BICRA: variants seen among roughly 807,000 people sequenced by gnomAD.
BICRA encodes BRD4-interacting chromatin-remodeling complex-associated protein.
A neutral mutation model predicts 96.9 loss-of-function variants in BICRA; 31 were observed. The observed-to-expected ratio is 0.32, with a 90% CI of 0.24 to 0.43. The LOEUF is 0.43. Ranked by LOEUF, BICRA falls within the 20% of genes least tolerant of loss-of-function variation. The pLI is 1.00. For missense variants in BICRA, 2,283 were observed against 2,190.3 expected (o/e 1.04, Z -0.84); for synonymous variants, 1,350 against 1,071.8 (o/e 1.26, Z -5.07).
intron 1 of BICRA, among the ~76,000 whole-genome samples, chr19:47,645,645 A>G (rs763635320): frequency 3.3e-5 from 5 of 152,270 alleles, no homozygotes; most frequent in African/African-American, 4.8e-5. Flanking sequence ...AAAAACGCAG[A>G]TAACACAAAA....
intron 1 of BICRA, among the ~76,000 whole-genome samples, chr19:47,624,820 A>G (rs1208165084): frequency 6.6e-6 from 1 of 151,268 alleles, no homozygotes; most frequent in Non-Finnish European, 1.5e-5. Context: ...CAGCTACCCG[A>G]GTAGTTGGGA....
chr19:47,617,094 CTG>C, intron 1 of BICRA, among the ~76,000 whole-genome samples: 1 of 3,422 alleles, frequency 2.9e-4, no homozygotes. Flanking sequence ...TCCCAAAGTG[CTG>C]GGATTACAAA....
rs1973348745 is a variant in BICRA at position 47,696,700 on chromosome 19, T to G, written c.3248+188T>G. Among the ~76,000 whole-genome samples the G allele has an allele frequency of 4.6e-5, 7 of 151,300 alleles. No homozygotes were observed. In the South Asian group the frequency reaches 1.5e-3, roughly 32 times the overall value. On this transcript the variant is annotated intron_variant, in intron 11 of 14. Transcript: ENST00000594866. ...TCTGGAAAATGGGGTGACCAGAGAGTGGTGGAGGGAGGGTGGGCTGTGGCT... is the reference window on the plus strand; with the variant it reads ...TCTGGAAAATGGGGTGACCAGAGAGGGGTGGAGGGAGGGTGGGCTGTGGCT...
At chr19:47,691,056 A>G (rs1021009659) in intron 7 of BICRA, among the ~76,000 whole-genome samples, 3 of 152,212 alleles carry the variant, frequency 2.0e-5, no homozygotes, top group African/African-American at 7.2e-5. Flanking sequence ...AACATTAGGA[A>G]TCTGAAAGCA....
intron 1 of BICRA, among the ~76,000 whole-genome samples, chr19:47,617,454 C>T (rs537439394): frequency 6.6e-6 from 1 of 152,188 alleles, no homozygotes; most frequent in South Asian, 2.1e-4. Flanking sequence ...ACCTCCGCCT[C>T]CCAGGCTCCA....
At position 47,701,858 on chromosome 19, in the gene BICRA, C is replaced by G. The variant is rs767300275; in HGVS notation, c.4126C>G (p.Leu1376Val). 30 of 1,507,338 alleles carry G rather than the reference C, an allele frequency of 2.0e-5. No individual in the cohort carries two copies. The highest frequency in any genetic ancestry group is 4.3e-5 in the African/African-American group (3 of 70,302). 93.4% of individuals were successfully genotyped at this position (1,507,338 alleles called of 1,614,324 possible). The stretch of plus-strand genomic sequence containing the variant: ...GCCTGCCGCCCCCGAGCGCAAGCCC[C>G]TGGGCACCGCCCCGCACTGCCCGCG... ...PPPAAPERKP[L>V]GTAPHCPRLP... is the part of the protein sequence containing the mutation. Residue 1376 changes from leucine (L) to valine (V), a missense_variant, in exon 15 of 15, where the codon CTG (leucine) becomes GTG (valine). Coordinates refer to ENST00000594866, the MANE Select transcript of BICRA (RefSeq NM_001394372.1). This position sits in a 1 kb window ranked among gnomAD's most constrained non-coding sequence, Gnocchi z 5.4.
At chr19:47,649,302 T>C (rs1026656386) in intron 1 of BICRA, among the ~76,000 whole-genome samples, 2 of 152,176 alleles carry the variant, frequency 1.3e-5, no homozygotes, top group African/African-American at 4.8e-5. Context: ...TTATTAATAT[T>C]ATTGTTAATC....
At position 47,680,786 on chromosome 19, in the gene BICRA, C is replaced by T. The variant is rs373150892; in HGVS notation, c.1616C>T (p.Ala539Val). Residue 539 changes from alanine (A) to valine (V), a missense_variant, in exon 6 of 15, where the codon GCG becomes GTG. By Grantham distance (64) the Ala-to-Val change is moderately conservative. Transcript: ENST00000594866. ...VLAPHSGAHSAHILSAAPIQV... is the reference protein window; with the variant it reads ...VLAPHSGAHSVHILSAAPIQV... Reference sequence around the variant, plus strand: ...GCCCCCCACTCCGGGGCCCACAGCGCGCACATCCTCTCCGCCGCTCCCATC... The same window carrying T: ...GCCCCCCACTCCGGGGCCCACAGCGTGCACATCCTCTCCGCCGCTCCCATC... 2.5e-6 allele frequency: 4 copies of T among 1,610,084 alleles called. No homozygotes were observed. Among genetic ancestry groups the T allele is most frequent in the Non-Finnish European group, 3.4e-6 (4 of 1,179,050 alleles).
In BICRA at chr19:47,694,601, C is replaced by G; in HGVS notation, c.2770C>G (p.Pro924Ala). The change falls in exon 8 of 15, where the codon CCA (proline) becomes GCA (alanine). Residue 924 changes from proline to alanine, a missense_variant. Pro to Ala is a conservative substitution (Grantham distance 27). Transcript: ENST00000594866. The stretch of plus-strand genomic sequence containing the variant: ...GCCCCACAAGTCCCCCACTCCCCCT[C>G]CAACCCTCCACCTGGTCCCTGAGCC... ...QGPHKSPTPP[P>A]TLHLVPEPAA... The G allele has an allele frequency of 6.4e-7, 1 of 1,569,938 alleles. No homozygotes were observed. The highest frequency in any genetic ancestry group is 8.8e-7 in the Non-Finnish European group (1 of 1,141,316).
chr19:47,612,536 G>C (rs917961223), intron 1 of BICRA, among the ~76,000 whole-genome samples: 2 of 152,102 alleles, frequency 1.3e-5, no homozygotes, highest in Non-Finnish European at 2.9e-5. Flanking sequence ...TCAGTGACAC[G>C]CACCCTCTGA....
intron 4 of BICRA, 69 bp downstream of exon 4, chr19:47,673,831 A>G: frequency 7.7e-7 from 1 of 1,298,700 alleles, no homozygotes; most frequent in Non-Finnish European, 1.1e-6. Flanking sequence ...AGGGACAGGG[A>G]GAGACATGTC....
In BICRA at chr19:47,630,418, C is replaced by T. The variant is rs369257964; in HGVS notation, c.-108+21250C>T. On this transcript the variant is annotated intron_variant, in intron 1 of 14. Transcript: ENST00000594866. ...CCATCTCCTGACCTCGTGATCTGCC[C>T]GCTTCGGCCTCCCAAAGTGCTGGGA... is the stretch of plus-strand genomic sequence containing the variant. 5.7e-3 allele frequency among the ~76,000 whole-genome samples: 865 copies of T among 151,426 alleles called. 7 individuals are homozygous for T. Among genetic ancestry groups the T allele is most frequent in the African/African-American group, 0.019 (798 of 41,268 alleles).
rs762921151 is a variant in BICRA at position 47,675,817 on chromosome 19, CTT to C, written c.85-31_85-30del. ...CCAGAGCATGGGCCTGCCCTGCTGACTTTTGACCTTGGATGGGGCGGGTCTTG... is the reference window on the plus strand; with the variant it reads ...CCAGAGCATGGGCCTGCCCTGCTGACTTGACCTTGGATGGGGCGGGTCTTG... On this transcript the variant is annotated intron_variant, in intron 4 of 14. Coordinates refer to ENST00000594866, the MANE Select transcript of BICRA (RefSeq NM_001394372.1). The surrounding 1 kb of genome is among the most constrained non-coding windows in gnomAD (Gnocchi z 4.7). The C allele has an allele frequency of 6.3e-7, 1 of 1,581,036 alleles. No homozygotes were observed. Among genetic ancestry groups the C allele is most frequent in the East Asian group, 2.3e-5 (1 of 44,382 alleles).
intron 1 of BICRA, among the ~76,000 whole-genome samples, chr19:47,626,736 T>C (rs1972146622): frequency 6.8e-6 from 1 of 146,534 alleles, no homozygotes; most frequent in Non-Finnish European, 1.5e-5. Flanking sequence ...TTTTTTTTTT[T>C]TCTGAGACAG....
chr19:47,679,950 C>T lies in BICRA; in HGVS notation c.780C>T (p.Ser260=). 6.7e-7 allele frequency: 1 copy of T among 1,503,130 alleles called. No homozygotes were observed. The highest frequency in any genetic ancestry group is 1.3e-5 in the South Asian group (1 of 79,914). 93.1% of individuals were successfully genotyped at this position (1,503,130 alleles called of 1,614,324 possible). ...SQLLAKQVPV[S]GYLASAAGPS... ...TCCTGGCCAAGCAGGTGCCCGTCAG[C>T]GGCTACCTGGCCTCGGCGGCTGGCC... Residue 260 remains serine (S), a synonymous_variant, in exon 6 of 15, where the codon AGC becomes AGT. Coordinates refer to ENST00000594866, the MANE Select transcript of BICRA (RefSeq NM_001394372.1).
At chr19:47,623,174 C>T (rs896676506) in intron 1 of BICRA, among the ~76,000 whole-genome samples, 1 of 152,012 alleles carries the variant, frequency 6.6e-6, no homozygotes, top group Admixed American at 6.6e-5. Flanking sequence ...TTTCATTCCC[C>T]TCCCCGTCAG....
chr19:47,672,577 G>GTGGAGGGA (rs1555788603), intron 2 of BICRA, among the ~76,000 whole-genome samples: 1 of 150,076 alleles, frequency 6.7e-6, no homozygotes, highest in East Asian at 2.0e-4. Context: ...AGATAAAGAA[G>GTGGAGGGA]TGGATGGATG....
intron 7 of BICRA, among the ~76,000 whole-genome samples, chr19:47,691,835 G>C (rs996876650): frequency 2.6e-5 from 4 of 152,058 alleles, no homozygotes; most frequent in African/African-American, 9.7e-5. Context: ...TGCTGGGATT[G>C]CAAGCGTGAG....
At position 47,680,701 on chromosome 19, in the gene BICRA, G is replaced by A; in HGVS notation, c.1531G>A (p.Ala511Thr). ...AAPHTGGQLI[A>T]NPILTNQNLA... is the part of the protein sequence containing the mutation. Reference sequence around the variant, plus strand: ...CCCCCACACAGGTGGACAGCTCATCGCGAACCCCATCCTCACAAACCAGAA... The same window carrying A: ...CCCCCACACAGGTGGACAGCTCATCACGAACCCCATCCTCACAAACCAGAA... The change falls in exon 6 of 15, where the codon GCG (alanine) becomes ACG (threonine). Residue 511 changes from alanine to threonine, a missense_variant. Physicochemically the swap from Ala to Thr is moderately conservative, Grantham distance 58. Coordinates refer to ENST00000594866, the MANE Select transcript of BICRA (RefSeq NM_001394372.1). 1.2e-6 allele frequency: 2 copies of A among 1,601,530 alleles called. No homozygotes were observed. The highest frequency in any genetic ancestry group is 1.7e-5 in the Admixed American group (1 of 58,124).
Sources: allele counts gnomAD v4.1 joint callset (sites outside exome capture counted in the v4.1 genomes callset), GRCh38; gene constraint gnomAD v4.1.1; non-coding constraint Gnocchi (gnomAD v3.1); transcripts MANE v1.5; gene names NCBI Gene and HGNC (gene_info 2026-07-23, HGNC 2026-07-21).